Variants in RANBP17 observed in about 807,000 individuals in gnomAD.
RANBP17 encodes the protein ran-binding protein 17.
In RANBP17, 158 loss-of-function variants were observed where a neutral mutation model predicts 141.2. That is an observed-to-expected ratio of 1.12 (90% CI 0.98 to 1.28). The LOEUF (loss-of-function observed/expected upper bound fraction) is 1.28, where lower values mean the gene tolerates loss of function less well. Ranked by LOEUF, RANBP17 falls within the 50% of genes most tolerant of loss-of-function variation. The probability of loss-of-function intolerance (pLI) is 0.00; values close to 1 mark genes in which losing one functional copy is unlikely to be tolerated. For synonymous variants in RANBP17, 430 were observed against 450.0 expected (o/e 0.96, Z 0.56); for missense variants, 1,438 against 1,290.7 (o/e 1.11, Z -1.75).
chr5:170,901,323 A>G lies in RANBP17; in HGVS notation c.489+5208A>G, dbSNP rs368939138. Among the ~76,000 whole-genome samples, 63 of 152,276 alleles carry G rather than the reference A, an allele frequency of 4.1e-4. 1 individual carries two copies. In the South Asian group the frequency reaches 0.013, roughly 31 times the overall value. ...TAAAGTCTGTTTTATCAGAGACTAG[A>G]ATTGCAACCCCTGCATTTTTTTGCT... is the stretch of plus-strand genomic sequence containing the variant. On this transcript the variant is annotated intron_variant, in intron 5 of 27. Coordinates refer to ENST00000523189, the MANE Select transcript of RANBP17 (RefSeq NM_022897.5).
intron 14 of RANBP17, among the ~76,000 whole-genome samples, chr5:171,168,475 T>C (rs1759857336): frequency 6.6e-6 from 1 of 152,156 alleles, no homozygotes; most frequent in Admixed American, 6.5e-5. Flanking sequence ...ATGTCGATGC[T>C]AGGTTTTCCA....
At chr5:171,016,177 T>TC (rs913494322) in intron 14 of RANBP17, among the ~76,000 whole-genome samples, 1 of 124,588 alleles carries the variant, frequency 8.0e-6, no homozygotes, top group African/African-American at 3.5e-5. Context: ...GGATCACTGC[T>TC]TTTTTTTTTT....
intron 14 of RANBP17, among the ~76,000 whole-genome samples, chr5:171,053,795 T>A (rs1294064160): frequency 1.5e-4 from 23 of 149,800 alleles, no homozygotes; most frequent in African/African-American, 4.9e-4. Flanking sequence ...CTCTTGTTAC[T>A]CATCTTGGGG....
At chr5:171,036,355 C>T (rs1209092168) in intron 14 of RANBP17, among the ~76,000 whole-genome samples, 1 of 152,068 alleles carries the variant, frequency 6.6e-6, no homozygotes, top group African/African-American at 2.4e-5. Context: ...CTGCAGAGGT[C>T]ACAATTTCCT....
chr5:171,093,421 G>T (rs1446509404), intron 14 of RANBP17, among the ~76,000 whole-genome samples: 1 of 152,030 alleles, frequency 6.6e-6, no homozygotes, highest in Non-Finnish European at 1.5e-5. Context: ...CGATATAATA[G>T]CTGAGTTGTT....
intron 14 of RANBP17, among the ~76,000 whole-genome samples, chr5:170,984,994 TACACAGAC>T (rs1334116525): frequency 5.9e-5 from 9 of 151,576 alleles, no homozygotes; most frequent in Non-Finnish European, 7.4e-5. Context: ...CACACACATA[TACACAGAC>T]ACACAGACAC....
chr5:171,201,357 T>C (rs1762286034), intron 19 of RANBP17, among the ~76,000 whole-genome samples: 1 of 152,226 alleles, frequency 6.6e-6, no homozygotes, highest in African/African-American at 2.4e-5. Context: ...AGAGTAATGC[T>C]GTGTAGGCAA....
intron 24 of RANBP17, among the ~76,000 whole-genome samples, chr5:171,256,584 G>T (rs1441270755): frequency 6.6e-6 from 1 of 152,078 alleles, no homozygotes; most frequent in Non-Finnish European, 1.5e-5. Context: ...GCTAAATGAA[G>T]TAGAGACTAA....
intron 14 of RANBP17, among the ~76,000 whole-genome samples, chr5:171,109,773 G>T (rs1314289718): frequency 6.6e-6 from 1 of 152,130 alleles, no homozygotes; most frequent in Admixed American, 6.5e-5. Context: ...TCTGCGATTG[G>T]TTGAATCTAT....
intron 14 of RANBP17, among the ~76,000 whole-genome samples, chr5:171,087,864 A>G (rs1453597055): frequency 1.3e-5 from 2 of 151,768 alleles, no homozygotes; most frequent in African/African-American, 2.4e-5. Context: ...GTGTCTCTGC[A>G]TGTGAGATGG....
chr5:171,064,103 C>A (rs1287960431), intron 14 of RANBP17, among the ~76,000 whole-genome samples: 1 of 152,244 alleles, frequency 6.6e-6, no homozygotes, highest in Non-Finnish European at 1.5e-5. Flanking sequence ...CTCCCTGACC[C>A]CTTGCACTTC....
intron 14 of RANBP17, among the ~76,000 whole-genome samples, chr5:171,166,802 G>A (rs1759730706): frequency 6.6e-6 from 1 of 152,166 alleles, no homozygotes; most frequent in Admixed American, 6.5e-5. Flanking sequence ...AAGAAACACT[G>A]TAATCATACA....
intron 14 of RANBP17, among the ~76,000 whole-genome samples, chr5:171,006,716 G>A (rs1317190276): frequency 6.7e-6 from 1 of 149,350 alleles, no homozygotes; most frequent in African/African-American, 2.5e-5. Context: ...TGCACATTGT[G>A]CACATGTACT....
At chr5:170,933,558 T>G (rs1460851270) in intron 12 of RANBP17, among the ~76,000 whole-genome samples, 1 of 152,240 alleles carries the variant, frequency 6.6e-6, no homozygotes, top group Non-Finnish European at 1.5e-5. Context: ...GTTAGTGCTA[T>G]AAATTTCCCT....
At chr5:171,219,115 G>T (rs1488418681) in intron 21 of RANBP17, among the ~76,000 whole-genome samples, 1 of 152,146 alleles carries the variant, frequency 6.6e-6, no homozygotes, top group South Asian at 2.1e-4. Flanking sequence ...GCATTTGCTT[G>T]TCTGTAAAAG....
chr5:171,100,997 G>C (rs1436459474), intron 14 of RANBP17, among the ~76,000 whole-genome samples: 1 of 152,178 alleles, frequency 6.6e-6, no homozygotes, highest in Non-Finnish European at 1.5e-5. Flanking sequence ...TTTTGCATTT[G>C]CTGAGGAGTG....
chr5:171,092,011 G>C (rs541193706), intron 14 of RANBP17, among the ~76,000 whole-genome samples: 1 of 152,274 alleles, frequency 6.6e-6, no homozygotes, highest in East Asian at 1.9e-4. Context: ...AGGGATCCTG[G>C]AACCAATCCC....
chr5:171,128,429 A>C (rs1296312558), intron 14 of RANBP17, among the ~76,000 whole-genome samples: 1 of 152,060 alleles, frequency 6.6e-6, no homozygotes, highest in Non-Finnish European at 1.5e-5. Context: ...CAGTTATCTC[A>C]TGTTCTTTCT....
intron 14 of RANBP17, among the ~76,000 whole-genome samples, chr5:171,054,539 G>A (rs1419584739): frequency 6.6e-6 from 1 of 152,184 alleles, no homozygotes; most frequent in Non-Finnish European, 1.5e-5. Flanking sequence ...ATAAAGAGCA[G>A]TGAGGATAAG....
Sources: allele counts gnomAD v4.1 joint callset (sites outside exome capture counted in the v4.1 genomes callset), GRCh38; gene constraint gnomAD v4.1.1; transcripts MANE v1.5; gene names NCBI Gene and HGNC (gene_info 2026-07-23, HGNC 2026-07-21).